Variants in ST7 observed in about 807,000 individuals in gnomAD.
ST7 encodes suppressor of tumorigenicity 7 protein.
ST7 carries 28 observed loss-of-function variants against 78.7 expected under a neutral mutation model. The ratio of observed to expected loss-of-function variants is 0.36; its 90% CI spans 0.26 to 0.49. ST7 has a LOEUF of 0.49. Among genes scored for constraint, ST7 ranks in the 20% least tolerant of loss-of-function variants. The pLI is 0.99. For synonymous variants in ST7, 247 were observed against 249.6 expected (o/e 0.99, Z 0.10); for missense variants, 418 against 696.0 (o/e 0.60, Z 4.49).
intron 1 of ST7, among the ~76,000 whole-genome samples, chr7:117,092,049 A>G (rs1004712786): frequency 6.6e-6 from 1 of 152,098 alleles, no homozygotes; most frequent in Non-Finnish European, 1.5e-5. Flanking sequence ...GTCTGCCACC[A>G]ACATAGAATC....
chr7:117,099,725 C>G, intron 1 of ST7, 37 bp from the exon 2 acceptor site: 1 of 1,521,530 alleles, frequency 6.6e-7, no homozygotes, highest in Non-Finnish European at 9.1e-7. Context: ...TCATACATTC[C>G]TTGTTCTTCT....
intron 1 of ST7, among the ~76,000 whole-genome samples, chr7:117,009,017 A>G (rs1795268962): frequency 6.6e-6 from 1 of 152,228 alleles, no homozygotes; most frequent in African/African-American, 2.4e-5. Context: ...TGTATTGTTT[A>G]TGACTATTTT....
At chr7:117,149,211 C>T (rs1018078617) in intron 9 of ST7, among the ~76,000 whole-genome samples, 1 of 152,098 alleles carries the variant, frequency 6.6e-6, no homozygotes, top group Admixed American at 6.6e-5. Flanking sequence ...CTTTCTGGGA[C>T]CTCCCACTGA....
chr7:117,106,046 C>T (rs111227456), intron 2 of ST7, among the ~76,000 whole-genome samples: 7,018 of 151,850 alleles, frequency 0.046, 224 homozygotes, highest in Non-Finnish European at 0.072. Context: ...GGCCAGACTG[C>T]GGACTGCAGT....
At chr7:117,135,539 A>T (rs1272159955) in intron 7 of ST7, among the ~76,000 whole-genome samples, 1 of 152,068 alleles carries the variant, frequency 6.6e-6, no homozygotes, top group Non-Finnish European at 1.5e-5. Context: ...TGATTTAACG[A>T]ATTTCTTATT....
chr7:117,148,997 A>C (rs1188366717), intron 9 of ST7, among the ~76,000 whole-genome samples: 1 of 152,216 alleles, frequency 6.6e-6, no homozygotes, highest in Non-Finnish European at 1.5e-5. Context: ...CCAGCAATGC[A>C]TGCGATGACC....
Position 117,138,501 on chromosome 7 carries a change from G to A in ST7, c.932G>A (p.Arg311Lys), listed in dbSNP as rs140301276. Residue 311 changes from arginine to lysine, a missense_variant, in exon 9 of 16, where the codon AGG becomes AAG. Transcript: ENST00000323984. ...RLAMCARRLG[R>K]TREAVKMMRD... The stretch of plus-strand genomic sequence containing the variant: ...GCAATGTGTGCCAGAAGACTCGGGA[G>A]GACCAGGGAAGCAGTGAAAATGATG... 5.6e-5 allele frequency: 90 copies of A among 1,608,188 alleles called. 1 individual carries two copies. The African/African-American group carries it at 9.6e-4, about 17-fold the overall frequency.
chr7:117,022,527 CTTTGATGTCAACCT>C (rs1464641058), intron 1 of ST7, among the ~76,000 whole-genome samples: 1 of 152,154 alleles, frequency 6.6e-6, no homozygotes, highest in Non-Finnish European at 1.5e-5. Flanking sequence ...CTTTCTTGGC[CTTTGATGTCAACCT>C]TTTGGAGGCT....
At chr7:117,026,355 G>A (rs945977324) in intron 1 of ST7, among the ~76,000 whole-genome samples, 1 of 152,066 alleles carries the variant, frequency 6.6e-6, no homozygotes, top group African/African-American at 2.4e-5. Context: ...TTTTTGAAGA[G>A]TATTGATATC....
At chr7:117,228,776 A>G (rs1460295714) in intron 15 of ST7, among the ~76,000 whole-genome samples, 1 of 152,198 alleles carries the variant, frequency 6.6e-6, no homozygotes, top group African/African-American at 2.4e-5. Context: ...CTACACTTCT[A>G]TGAGAAATTC....
intron 1 of ST7, among the ~76,000 whole-genome samples, chr7:117,050,486 C>T (rs559835033): frequency 7.2e-5 from 11 of 152,248 alleles, no homozygotes; most frequent in Middle Eastern, 3.4e-3. Flanking sequence ...CTCCTGACTG[C>T]GGATGGTGCC....
chr7:117,044,221 C>G (rs888464517), intron 1 of ST7, among the ~76,000 whole-genome samples: 2 of 152,162 alleles, frequency 1.3e-5, no homozygotes, highest in Admixed American at 6.5e-5. Context: ...GTTTTAGTGG[C>G]AGGGATTGGC....
intron 9 of ST7, among the ~76,000 whole-genome samples, chr7:117,170,538 G>A (rs961387778): frequency 7.2e-5 from 11 of 152,028 alleles, no homozygotes; most frequent in South Asian, 2.1e-4. Flanking sequence ...AAAATTAGCC[G>A]GGCATGGTAG....
chr7:116,954,291 G>C (rs1247034710), intron 1 of ST7: 6 of 152,228 alleles, frequency 3.9e-5, no homozygotes, highest in Non-Finnish European at 8.8e-5. Flanking sequence ...CTCTCTGGTT[G>C]GGTAGTGGGG....
At chr7:117,152,866 C>T (rs1663432758) in intron 9 of ST7, among the ~76,000 whole-genome samples, 1 of 152,142 alleles carries the variant, frequency 6.6e-6, no homozygotes, top group Non-Finnish European at 1.5e-5. Context: ...GAGTACAACA[C>T]ATGTCTGTCT....
At chr7:117,141,584 C>T (rs1584455965) in intron 9 of ST7, among the ~76,000 whole-genome samples, 2 of 152,178 alleles carry the variant, frequency 1.3e-5, no homozygotes, top group South Asian at 2.1e-4. Flanking sequence ...AATATGGAAG[C>T]GGCACCTTAC....
intron 1 of ST7, among the ~76,000 whole-genome samples, chr7:117,054,137 G>A (rs1211754187): frequency 6.6e-6 from 1 of 151,954 alleles, no homozygotes; most frequent in Non-Finnish European, 1.5e-5. Context: ...CGTGCCCGCC[G>A]GTCTAGACAG....
At chr7:116,960,668 A>G (rs1792780801) in intron 1 of ST7, among the ~76,000 whole-genome samples, 2 of 152,170 alleles carry the variant, frequency 1.3e-5, no homozygotes, top group Admixed American at 6.5e-5. Context: ...TACAGATAAT[A>G]TGAGGTACTT....
intron 12 of ST7, among the ~76,000 whole-genome samples, chr7:117,205,239 T>G (rs1362136195): frequency 1.3e-5 from 2 of 152,218 alleles, no homozygotes; most frequent in Non-Finnish European, 2.9e-5. Flanking sequence ...TAATCTGCTA[T>G]GTAAATTGTT....
Sources: allele counts gnomAD v4.1 joint callset (sites outside exome capture counted in the v4.1 genomes callset), GRCh38; gene constraint gnomAD v4.1.1; transcripts MANE v1.5; gene names NCBI Gene and HGNC (gene_info 2026-07-23, HGNC 2026-07-21).